Variants in ZDHHC18 observed in about 807,000 individuals in gnomAD.
ZDHHC18 encodes zDHHC palmitoyltransferase 18.
A neutral mutation model predicts 37.5 loss-of-function variants in ZDHHC18; 23 were observed. That is an observed-to-expected ratio of 0.61 (90% CI 0.44 to 0.87). ZDHHC18 has a LOEUF of 0.87. Among genes scored for constraint, ZDHHC18 ranks in the 40% least tolerant of loss-of-function variants. The pLI is 0.00. For synonymous variants in ZDHHC18, 185 were observed against 218.7 expected (o/e 0.85, Z 1.36); for missense variants, 406 against 525.6 (o/e 0.77, Z 2.22).
At chr1:26,836,903 G>T (rs2081614567) in intron 2 of ZDHHC18, among the ~76,000 whole-genome samples, 1 of 146,602 alleles carries the variant, frequency 6.8e-6, no homozygotes, top group Admixed American at 6.9e-5. Flanking sequence ...CTCCTAAATG[G>T]CTCATCTTTA....
intron 2 of ZDHHC18, among the ~76,000 whole-genome samples, chr1:26,845,556 C>T (rs955308210): frequency 2.0e-5 from 3 of 151,726 alleles, no homozygotes; most frequent in Non-Finnish European, 4.4e-5. Flanking sequence ...TGGTATCGAA[C>T]TCCCAACCTC....
At chr1:26,837,411 A>G (rs911339617) in intron 2 of ZDHHC18, among the ~76,000 whole-genome samples, 1 of 147,822 alleles carries the variant, frequency 6.8e-6, no homozygotes, top group East Asian at 1.9e-4. Context: ...TGTATTTAAC[A>G]TATATTTAAT....
intron 3 of ZDHHC18, among the ~76,000 whole-genome samples, chr1:26,849,648 A>G (rs907458579): frequency 1.3e-5 from 2 of 151,998 alleles, no homozygotes; most frequent in African/African-American, 4.8e-5. Context: ...GTGTGCCTCC[A>G]CCCCCGGGGA....
chr1:26,836,252 T>TAC (rs1197278692), intron 2 of ZDHHC18, among the ~76,000 whole-genome samples: 3 of 152,170 alleles, frequency 2.0e-5, no homozygotes, highest in African/African-American at 7.2e-5. Context: ...TCCACTGCCA[T>TAC]ACACCAGCTC....
Position 26,826,718 on chromosome 1 carries a change from C to A in ZDHHC18, c.-87C>A. 1.6e-6 allele frequency: 1 copy of A among 636,100 alleles called. No homozygotes were observed. The highest frequency in any genetic ancestry group is 6.6e-5 in the South Asian group (1 of 15,088). 39.4% of individuals were successfully genotyped at this position (636,100 alleles called of 1,614,324 possible). On this transcript the variant is annotated 5_prime_UTR_variant, in exon 1 of 8. Coordinates refer to ENST00000374142, the MANE Select transcript of ZDHHC18 (RefSeq NM_032283.3). This position sits in a 1 kb window ranked among gnomAD's most constrained non-coding sequence, Gnocchi z 5.2. ...GTGAGCGAGCGAGCGCCGCGCGCGC[C>A]GCCGCTGCCACCTCCGCTGCTCGGC...
intron 3 of ZDHHC18, 25 bp downstream of exon 3, chr1:26,848,782 A>G (rs2081686652): frequency 6.3e-7 from 1 of 1,599,026 alleles, no homozygotes; most frequent in Non-Finnish European, 8.6e-7. Flanking sequence ...GCAGGGAGGG[A>G]TGCAGGGATT....
At chr1:26,845,869 C>G (rs979257522) in intron 2 of ZDHHC18, among the ~76,000 whole-genome samples, 1 of 151,684 alleles carries the variant, frequency 6.6e-6, no homozygotes, top group African/African-American at 2.4e-5. Context: ...TCAGGCAATC[C>G]TCCTGCCTCA....
Position 26,848,523 on chromosome 1 carries a change from C to T in ZDHHC18, c.497-85C>T, listed in dbSNP as rs1364167514. On this transcript the variant is annotated intron_variant, in intron 2 of 7. Transcript: ENST00000374142. ...ACCCTGAGGCTTCTCCTGGACTGGC[C>T]AGGCAGCAGTAGCTTTCCCCTGCTG... 7.8e-6 allele frequency: 12 copies of T among 1,542,074 alleles called. No homozygotes were observed. In the East Asian group the frequency reaches 2.7e-4, roughly 35 times the overall value.
intron 1 of ZDHHC18, among the ~76,000 whole-genome samples, chr1:26,831,413 G>T (rs2081588448): frequency 6.6e-6 from 1 of 152,206 alleles, no homozygotes; most frequent in African/African-American, 2.4e-5. Flanking sequence ...AGGGAGTTTG[G>T]ATTGTATTCA....
chr1:26,833,158 C>G (rs1051882705), intron 2 of ZDHHC18, among the ~76,000 whole-genome samples: 6 of 152,160 alleles, frequency 3.9e-5, no homozygotes, highest in Non-Finnish European at 5.9e-5. Flanking sequence ...TAGTCCCTGT[C>G]CTCATGGAGC....
At chr1:26,829,019 T>C (rs2124244549) in intron 1 of ZDHHC18, among the ~76,000 whole-genome samples, 1 of 152,270 alleles carries the variant, frequency 6.6e-6, no homozygotes, top group African/African-American at 2.4e-5. Context: ...GGTGACTGTT[T>C]TGTCCCCAGC....
intron 2 of ZDHHC18, among the ~76,000 whole-genome samples, chr1:26,837,992 T>C (rs1022116312): frequency 5.3e-5 from 8 of 151,738 alleles, no homozygotes; most frequent in African/African-American, 1.7e-4. Flanking sequence ...ACTTCTTTTG[T>C]TGCTTGCTTT....
Position 26,832,463 on chromosome 1 carries a change from C to T in ZDHHC18, c.352C>T (p.Arg118Cys), listed in dbSNP as rs1202823049. 1.2e-5 allele frequency: 19 copies of T among 1,614,156 alleles called. No individual in the cohort carries two copies. The highest frequency in any genetic ancestry group is 3.3e-5 in the Admixed American group (2 of 60,016). ...TCGTTCTAGCTGTCCCTACCTGGCT[C>T]GCAAGCTGACCCTTGCCATCCCCAT... ...FFVFDCPYLA[R>C]KLTLAIPIIA... The change falls in exon 2 of 8, where the codon CGC becomes TGC. Residue 118 changes from arginine (R) to cysteine (C), a missense_variant. Arg to Cys is a radical substitution (Grantham distance 180). Coordinates refer to ENST00000374142, the MANE Select transcript of ZDHHC18 (RefSeq NM_032283.3).
At chr1:26,847,196 A>T (rs1043645578) in intron 2 of ZDHHC18, among the ~76,000 whole-genome samples, 1 of 151,808 alleles carries the variant, frequency 6.6e-6, no homozygotes, top group African/African-American at 2.4e-5. Flanking sequence ...CACCTGGCCA[A>T]TTGTTCCCTA....
rs1187125165 is a variant in ZDHHC18 at position 26,856,356 on chromosome 1, G to A, written c.*2513G>A. On this transcript the variant is annotated 3_prime_UTR_variant, in exon 8 of 8. Coordinates refer to ENST00000374142, the MANE Select transcript of ZDHHC18 (RefSeq NM_032283.3). This position sits in a 1 kb window ranked among gnomAD's most constrained non-coding sequence, Gnocchi z 5.2. ...ATGCCTCGCCAACCCCATGGAGCCC[G>A]TCCATCTGTCTGGTGTGTGGTGCGG... is the stretch of plus-strand genomic sequence containing the variant. The A allele has an allele frequency of 1.6e-5, 6 of 376,974 alleles. No individual in the cohort carries two copies. Among genetic ancestry groups the A allele is most frequent in the Non-Finnish European group, 3.4e-5 (6 of 175,066 alleles). 23.4% of individuals were successfully genotyped at this position (376,974 alleles called of 1,614,324 possible). A position where few individuals can be genotyped will look rare whatever the true frequency, so the allele number is the denominator to read the frequency against.
In ZDHHC18 at chr1:26,826,700, A is replaced by AGCGAGCGCC. The variant is rs1336702732; in HGVS notation, c.-101_-93dup. On this transcript the variant is annotated 5_prime_UTR_variant, in exon 1 of 8. Transcript: ENST00000374142. The surrounding 1 kb of genome is among the most constrained non-coding windows in gnomAD (Gnocchi z 5.2). The stretch of plus-strand genomic sequence containing the variant: ...GCGGGGCCGCCCCAGTGAGTGAGCG[A>AGCGAGCGCC]GCGAGCGCCGCGCGCGCCGCCGCTG... The AGCGAGCGCC allele has an allele frequency of 4.8e-6, 2 of 418,910 alleles. No homozygotes were observed. Among genetic ancestry groups the AGCGAGCGCC allele is most frequent in the South Asian group, 9.3e-5 (1 of 10,748 alleles). 25.9% of individuals were successfully genotyped at this position (418,910 alleles called of 1,614,324 possible).
intron 2 of ZDHHC18, among the ~76,000 whole-genome samples, chr1:26,835,215 G>A (rs1163764299): frequency 1.3e-5 from 2 of 152,200 alleles, no homozygotes; most frequent in East Asian, 1.9e-4. Flanking sequence ...CAGATAGTTA[G>A]GGATATTAGA....
Position 26,850,267 on chromosome 1 carries a change from C to G in ZDHHC18, c.647-34C>G, listed in dbSNP as rs1327729320. ...ATGCCTGTGCTGGCTGCAGGCCAGC[C>G]CACACTAACCCATCGCCCCTTGCCC... On this transcript the variant is annotated intron_variant, in intron 3 of 7. Transcript: ENST00000374142. This position sits in a 1 kb window ranked among gnomAD's most constrained non-coding sequence, Gnocchi z 6.1. 6.2e-7 allele frequency: 1 copy of G among 1,609,174 alleles called. No homozygotes were observed. The highest frequency in any genetic ancestry group is 1.7e-5 in the Admixed American group (1 of 59,226).
At chr1:26,846,473 C>G (rs2081666967) in intron 2 of ZDHHC18, among the ~76,000 whole-genome samples, 1 of 149,962 alleles carries the variant, frequency 6.7e-6, no homozygotes, top group Non-Finnish European at 1.5e-5. Context: ...ACTACAGGCG[C>G]CCGCCACCAT....
Sources: gnomAD v4.1 joint callset for allele counts (sites outside exome capture counted in the v4.1 genomes callset) on GRCh38, gnomAD v4.1.1 for gene constraint, Gnocchi (gnomAD v3.1) non-coding constraint, MANE v1.5 for transcripts, NCBI Gene and HGNC (gene_info 2026-07-23, HGNC 2026-07-21) for gene names.